Variants in EML6 observed in about 807,000 individuals in gnomAD.
The protein encoded by EML6 is EMAP like 6.
EML6 carries 154 observed loss-of-function variants against 240.1 expected under a neutral mutation model. The observed-to-expected ratio is 0.64, with a 90% CI of 0.56 to 0.73. EML6 has a LOEUF of 0.73. Among genes scored for constraint, EML6 ranks in the 30% least tolerant of loss-of-function variants. The probability of loss-of-function intolerance (pLI) is 0.00; values close to 1 mark genes in which losing one functional copy is unlikely to be tolerated. For synonymous variants in EML6, 1,148 were observed against 899.0 expected, an observed-to-expected ratio of 1.28 and a Z score of -4.95; for missense variants, 2,964 against 2,474.6, an observed-to-expected ratio of 1.20 and a Z score of -4.20.
At chr2:54,894,445 A>T (rs114354199) in intron 19 of EML6, among the ~76,000 whole-genome samples, 38 of 152,310 alleles carry the variant, frequency 2.5e-4, no homozygotes, top group Non-Finnish European at 4.9e-4. Context: ...TACCTAAGCT[A>T]CTCTTAATAA....
At chr2:54,790,998 T>G (rs1459784194) in intron 2 of EML6, among the ~76,000 whole-genome samples, 1 of 152,174 alleles carries the variant, frequency 6.6e-6, no homozygotes, top group East Asian at 1.9e-4. Flanking sequence ...GTGCTGGAAT[T>G]ACAGGCGTGA....
rs949385845 is a variant in EML6, at chr2:54,959,171, G to A, written c.4763G>A (p.Arg1588Gln). The A allele has an allele frequency of 3.0e-5, 47 of 1,551,516 alleles. No individual in the cohort carries two copies. Among genetic ancestry groups the A allele is most frequent in the Middle Eastern group, 1.7e-4 (1 of 6,012 alleles). ...GTCTGGAAGGACCACTTCCTCATCC[G>A]GCTGGTGGCCAAGGCTCACACAGGC... ...VYVWKDHFLI[R>Q]LVAKAHTGPV... is the part of the protein sequence containing the mutation. The change falls in exon 34 of 42, where the codon CGG becomes CAG. Residue 1588 changes from arginine to glutamine, a missense_variant. By Grantham distance (43) the Arg-to-Gln change is conservative. Transcript: ENST00000356458.
At chr2:54,931,806 T>A (rs965759041) in intron 28 of EML6, among the ~76,000 whole-genome samples, 2 of 152,184 alleles carry the variant, frequency 1.3e-5, no homozygotes, top group African/African-American at 4.8e-5. Flanking sequence ...TAGCAATGTT[T>A]CAGGCAGCTC....
intron 7 of EML6, among the ~76,000 whole-genome samples, chr2:54,843,215 T>C (rs1669555385): frequency 6.6e-6 from 1 of 152,202 alleles, no homozygotes; most frequent in East Asian, 1.9e-4. Context: ...TAAAATACAT[T>C]CTACTGTTTA....
intron 26 of EML6, among the ~76,000 whole-genome samples, chr2:54,923,371 A>G (rs879414983): frequency 0.13 from 8,281 of 64,286 alleles, 272 homozygotes; most frequent in East Asian, 0.28. Context: ...CCAAACGCAC[A>G]CACACACACA....
At chr2:54,865,034 A>G (rs138848584) in intron 13 of EML6, among the ~76,000 whole-genome samples, 11 of 152,372 alleles carry the variant, frequency 7.2e-5, no homozygotes, top group East Asian at 5.8e-4. Flanking sequence ...AACGTAGTCA[A>G]TCTTGCCTGA....
intron 7 of EML6, among the ~76,000 whole-genome samples, chr2:54,843,457 A>G (rs1414790153): frequency 6.6e-6 from 1 of 152,142 alleles, no homozygotes; most frequent in Non-Finnish European, 1.5e-5. Context: ...CCTGCTGTAG[A>G]AACACATAGT....
chr2:54,971,278 C>T lies in EML6; in HGVS notation c.*1183C>T, dbSNP rs1676984207. On this transcript the variant is annotated 3_prime_UTR_variant, in exon 42 of 42. Coordinates refer to ENST00000356458, the MANE Select transcript of EML6 (RefSeq NM_001039753.4). ...GTTGTATGACGGAATATGACTTGGACAATCTTTACCAGAAGCCATCCGTAA... is the reference window on the plus strand; with the variant it reads ...GTTGTATGACGGAATATGACTTGGATAATCTTTACCAGAAGCCATCCGTAA... The T allele has an allele frequency of 6.6e-6, 1 of 152,168 alleles. No individual in the cohort carries two copies. The highest frequency in any genetic ancestry group is 2.4e-5 in the African/African-American group (1 of 41,440). 9.4% of individuals were successfully genotyped at this position (152,168 alleles called of 1,614,324 possible).
At chr2:54,940,204 G>A (rs758601850) in intron 28 of EML6, among the ~76,000 whole-genome samples, 2 of 152,148 alleles carry the variant, frequency 1.3e-5, no homozygotes, top group Non-Finnish European at 2.9e-5. Context: ...TTATTAGACT[G>A]TGCTTACAGT....
rs368251701 is a variant in EML6, at chr2:54,790,976, C to A, written c.198-22256C>A. On this transcript the variant is annotated intron_variant, in intron 2 of 41. Coordinates refer to ENST00000356458, the MANE Select transcript of EML6 (RefSeq NM_001039753.4). ...TCCTGACCTCGTGATCCGCCCGCCT[C>A]GGCCTCCCAAAGTGCTGGAATTACA... Among the ~76,000 whole-genome samples the A allele has an allele frequency of 4.1e-4, 62 of 152,148 alleles. 2 individuals are homozygous for A. The East Asian group carries it at 0.011, about 27-fold the overall frequency.
chr2:54,808,822 A>G (rs1670637084), intron 2 of EML6, among the ~76,000 whole-genome samples: 1 of 152,192 alleles, frequency 6.6e-6, no homozygotes, highest in Non-Finnish European at 1.5e-5. Flanking sequence ...CTTATCTGAC[A>G]TCAGGAAGAC....
At chr2:54,795,654 G>A (rs1444811536) in intron 2 of EML6, among the ~76,000 whole-genome samples, 1 of 152,196 alleles carries the variant, frequency 6.6e-6, no homozygotes, top group Non-Finnish European at 1.5e-5. Flanking sequence ...GTACTGTACA[G>A]TCATGTACAT....
intron 21 of EML6, among the ~76,000 whole-genome samples, chr2:54,895,786 C>G (rs1161231466): frequency 6.6e-5 from 10 of 150,994 alleles, no homozygotes; most frequent in African/African-American, 2.4e-4. Context: ...TTTTTTTTTT[C>G]TTGCTGGCTG....
chr2:54,843,308 G>C (rs1300667735), intron 7 of EML6, among the ~76,000 whole-genome samples: 1 of 152,102 alleles, frequency 6.6e-6, no homozygotes, highest in Non-Finnish European at 1.5e-5. Context: ...CACACCTGTA[G>C]TCCCAGTTAC....
intron 7 of EML6, among the ~76,000 whole-genome samples, chr2:54,835,111 C>T (rs1052478195): frequency 6.6e-6 from 1 of 152,230 alleles, no homozygotes; most frequent in African/African-American, 2.4e-5. Flanking sequence ...TCCTCTCCTT[C>T]AAACCTTTGC....
At chr2:54,914,501 T>A (rs554297657) in intron 25 of EML6, among the ~76,000 whole-genome samples, 1 of 152,338 alleles carries the variant, frequency 6.6e-6, no homozygotes, top group African/African-American at 2.4e-5. Flanking sequence ...TAAAAGATAA[T>A]GCACAAAAGG....
chr2:54,943,307 G>T (rs752282350), intron 28 of EML6, among the ~76,000 whole-genome samples: 3 of 151,954 alleles, frequency 2.0e-5, no homozygotes, highest in Non-Finnish European at 4.4e-5. Context: ...CCCTCACCTG[G>T]TGCTTGGCCC....
At position 54,833,033 on chromosome 2, in the gene EML6, C is replaced by A. The variant is rs1242918629; in HGVS notation, c.847+3556C>A. On this transcript the variant is annotated intron_variant, in intron 7 of 41. Transcript: ENST00000356458. ...CAATGGAAATGTAGCGATTTCTCAT[C>A]TTACTCAAACAGCCAAATAGTTTTC... is the stretch of plus-strand genomic sequence containing the variant. Among the ~76,000 whole-genome samples, 3 of 152,232 alleles carry A rather than the reference C, an allele frequency of 2.0e-5. 1 individual carries two copies. Among genetic ancestry groups the A allele is most frequent in the Non-Finnish European group, 4.4e-5 (3 of 68,046 alleles).
chr2:54,941,192 G>A (rs1052910082), intron 28 of EML6, among the ~76,000 whole-genome samples: 3 of 152,154 alleles, frequency 2.0e-5, no homozygotes, highest in Admixed American at 6.5e-5. Context: ...TATTTTCAAT[G>A]TATAGTGGTC....
Sources: allele counts gnomAD v4.1 joint callset (sites outside exome capture counted in the v4.1 genomes callset), GRCh38; gene constraint gnomAD v4.1.1; transcripts MANE v1.5; gene names NCBI Gene and HGNC (gene_info 2026-07-23, HGNC 2026-07-21).